SYTL2: variants seen among roughly 807,000 people sequenced by gnomAD.
The protein encoded by SYTL2 is synaptotagmin like 2.
In SYTL2, 165 loss-of-function variants were observed where a neutral mutation model predicts 198.7. The observed-to-expected ratio is 0.83, with a 90% confidence interval of 0.73 to 0.94. The LOEUF is 0.94. SYTL2 is among the 40% of genes least tolerant of loss of function. The pLI is 0.00. For synonymous variants in SYTL2, 966 were observed against 917.7 expected (o/e 1.05, Z -0.95); for missense variants, 2,835 against 2,582.8 (o/e 1.10, Z -2.12).
In SYTL2 at chr11:85,734,513, C is replaced by T; in HGVS notation, c.816G>A (p.Gly272=). ...TGGAACTGGAGTTGCGCTTGAGGAT[C>T]CCTCTCGGAGCCCCTCTCGCTTTCA... ...DSLKARGAPR[G]ILKRNSSSSS... The change falls in exon 7 of 20, where the codon GGG becomes GGA. Residue 272 remains glycine, a synonymous_variant. Coordinates refer to ENST00000359152, the MANE Select transcript of SYTL2 (RefSeq NM_206927.4). 1 of 1,614,200 alleles carries T rather than the reference C, an allele frequency of 6.2e-7. No homozygotes were observed. Among genetic ancestry groups the T allele is most frequent in the Non-Finnish European group, 8.5e-7 (1 of 1,180,018 alleles).
rs748426504 is a variant in SYTL2, at chr11:85,736,502, C to T, written c.585G>A (p.Glu195=). Residue 195 remains glutamate, a splice_region_variant and synonymous_variant, in exon 6 of 20, where the codon GAG becomes GAA. Coordinates refer to ENST00000359152, the MANE Select transcript of SYTL2 (RefSeq NM_206927.4). ...CAAGTTCATAAAAATAATATTTACC[C>T]TCTTTTGAAGTCTGAAATAAACCAG... ...GRTGLFQTSK[E]DELSESKEKS... 4 of 1,490,444 alleles carry T rather than the reference C, an allele frequency of 2.7e-6. No homozygotes were observed. Among genetic ancestry groups the T allele is most frequent in the Admixed American group, 3.6e-5 (2 of 55,518 alleles). The allele number at this position is 1,490,444 out of a possible 1,614,324, so 92.3% of individuals were successfully genotyped here.
chr11:85,709,974 C>T lies in SYTL2; in HGVS notation c.5746-474G>A, dbSNP rs571842559. 2.2e-3 allele frequency among the ~76,000 whole-genome samples: 340 copies of T among 152,296 alleles called. 2 individuals are homozygous for T. Among genetic ancestry groups the T allele is most frequent in the South Asian group, 8.1e-3 (39 of 4,828 alleles). ...CTGGAATTACAGGCATGAGCCACCG[C>T]GCCCAGCCGACTAATGTTTTTAAAT... On this transcript the variant is annotated intron_variant, in intron 13 of 19. Transcript: ENST00000359152.
At chr11:85,785,154 T>C (rs964688807) in intron 1 of SYTL2, among the ~76,000 whole-genome samples, 2 of 152,148 alleles carry the variant, frequency 1.3e-5, no homozygotes, top group African/African-American at 4.8e-5. Flanking sequence ...GAAAAGGACT[T>C]GAGTGCCCAG....
intron 1 of SYTL2, among the ~76,000 whole-genome samples, chr11:85,791,500 G>C (rs982520911): frequency 6.6e-6 from 1 of 152,162 alleles, no homozygotes; most frequent in African/African-American, 2.4e-5. Context: ...CTCAGCCTCA[G>C]TATCTCATCC....
chr11:85,781,014 G>T (rs1439649805), intron 1 of SYTL2, among the ~76,000 whole-genome samples: 1 of 152,174 alleles, frequency 6.6e-6, no homozygotes, highest in South Asian at 2.1e-4. Flanking sequence ...CACATCTGGG[G>T]TACAGAAGTG....
intron 1 of SYTL2, among the ~76,000 whole-genome samples, chr11:85,798,333 G>A (rs983419089): frequency 6.6e-6 from 1 of 152,178 alleles, no homozygotes; most frequent in African/African-American, 2.4e-5. Context: ...AGAGAAACCC[G>A]TGAAACTTTC....
intron 1 of SYTL2, among the ~76,000 whole-genome samples, chr11:85,767,797 A>G (rs1267309274): frequency 1.3e-5 from 2 of 152,214 alleles, no homozygotes; most frequent in African/African-American, 4.8e-5. Context: ...CCCACCTAGG[A>G]TATTTTTCAG....
At chr11:85,834,953 T>A in the SYTL2 span, among the ~76,000 whole-genome samples, 2 of 152,020 alleles carry the variant, frequency 1.3e-5, no homozygotes, top group Non-Finnish European at 2.9e-5. Context: ...AGAGACTGGA[T>A]GTCAGTATGC....
In SYTL2 at chr11:85,734,020, T is replaced by G. The variant is rs774388891; in HGVS notation, c.1309A>C (p.Asn437His). 2 of 1,614,104 alleles carry G rather than the reference T, an allele frequency of 1.2e-6. No homozygotes were observed. Among genetic ancestry groups the G allele is most frequent in the Non-Finnish European group, 8.5e-7 (1 of 1,179,944 alleles). The change falls in exon 7 of 20, where the codon AAT becomes CAT. Residue 437 changes from asparagine (N) to histidine (H), a missense_variant. Physicochemically the swap from Asn to His is moderately conservative, Grantham distance 68. Around this residue, in one of 3 missense-constraint regions of SYTL2, gnomAD observed 2,645 missense variants for 2,381.7 expected, o/e 1.11. Transcript: ENST00000359152. ...TTGGGTTCATTGATGGTTGGTGAAT[T>G]CTCCATAGACTGTGGTCTTGCAGTT... ...VLTARPQSME[N>H]SPTINEPKDK... is the part of the protein sequence containing the mutation.
chr11:85,819,883 C>T, the SYTL2 span, among the ~76,000 whole-genome samples: 6 of 152,190 alleles, frequency 3.9e-5, no homozygotes, highest in African/African-American at 1.2e-4. Context: ...TTGGTGTTCA[C>T]TCTCCAAAAT....
chr11:85,812,394 A>T (rs1241083934), upstream of SYTL2, among the ~76,000 whole-genome samples: 1 of 152,198 alleles, frequency 6.6e-6, no homozygotes, highest in African/African-American at 2.4e-5. Context: ...CACTGTGCAG[A>T]GATGTGTATT....
At chr11:85,776,470 A>T (rs1418116395) in intron 1 of SYTL2, among the ~76,000 whole-genome samples, 2 of 151,816 alleles carry the variant, frequency 1.3e-5, no homozygotes, top group East Asian at 3.9e-4. Flanking sequence ...TCATTGTTCA[A>T]CTCTCATTTA....
intron 7 of SYTL2, among the ~76,000 whole-genome samples, chr11:85,731,656 T>A (rs1051412482): frequency 1.3e-5 from 2 of 151,998 alleles, no homozygotes; most frequent in Non-Finnish European, 2.9e-5. Flanking sequence ...GCAATACCAC[T>A]CAGGACATAG....
chr11:85,810,025 G>A (rs2093009925), intron 1 of SYTL2, among the ~76,000 whole-genome samples: 1 of 152,198 alleles, frequency 6.6e-6, no homozygotes, highest in Non-Finnish European at 1.5e-5. Context: ...GCCAACAAGG[G>A]GACGGGAAGC....
chr11:85,743,279 C>T (rs1013245382), intron 4 of SYTL2, among the ~76,000 whole-genome samples: 1 of 152,132 alleles, frequency 6.6e-6, no homozygotes, highest in African/African-American at 2.4e-5. Context: ...GAACTTGATA[C>T]TGAGTAAGGT....
intron 1 of SYTL2, among the ~76,000 whole-genome samples, chr11:85,790,040 A>T (rs2092707412): frequency 6.6e-6 from 1 of 152,152 alleles, no homozygotes; most frequent in African/African-American, 2.4e-5. Context: ...CTTGGGGATG[A>T]GACCCAAGAC....
chr11:85,709,277 A>G (rs2085817288), intron 14 of SYTL2, 54 bp downstream of exon 14: 20 of 1,555,622 alleles, frequency 1.3e-5, no homozygotes, highest in Non-Finnish European at 1.4e-5. Context: ...CAATTCCTGT[A>G]AGATTGACAG....
Position 85,734,215 on chromosome 11 carries a change from C to T in SYTL2, c.1114G>A (p.Ala372Thr), listed in dbSNP as rs1391192100. 4 of 1,614,104 alleles carry T rather than the reference C, an allele frequency of 2.5e-6. No individual in the cohort carries two copies. The African/African-American group carries it at 5.3e-5, about 22-fold the overall frequency. ...CTCTGAAACTCTTCTGTGTCCCCTG[C>T]ATCTTCCATTCCATTTTTCAATCTG... is the stretch of plus-strand genomic sequence containing the variant. ...SDRLKNGMEDAGDTEEFQSDP... is the reference protein window; with the variant it reads ...SDRLKNGMEDTGDTEEFQSDP... The change falls in exon 7 of 20, where the codon GCA (alanine) becomes ACA (threonine). Residue 372 changes from alanine to threonine, a missense_variant. By Grantham distance (58) the Ala-to-Thr change is moderately conservative. Around this residue, in one of 3 missense-constraint regions of SYTL2, gnomAD observed 2,645 missense variants for 2,381.7 expected, o/e 1.11. Transcript: ENST00000359152.
intron 12 of SYTL2, among the ~76,000 whole-genome samples, chr11:85,711,890 T>G (rs145875262): frequency 6.6e-6 from 1 of 152,358 alleles, no homozygotes; most frequent in East Asian, 1.9e-4. Context: ...TTTAACACAT[T>G]TTTTAAAAAG....
Sources: gnomAD v4.1 joint callset for allele counts (sites outside exome capture counted in the v4.1 genomes callset) on GRCh38, gnomAD v4.1.1 for gene constraint, gnomAD v4.1.1 regional missense constraint, MANE v1.5 for transcripts, NCBI Gene and HGNC (gene_info 2026-07-23, HGNC 2026-07-21) for gene names.